Variants in DOT1L observed in about 807,000 individuals in gnomAD.
DOT1L encodes histone-lysine N-methyltransferase, H3 lysine-79 specific.
Under a neutral mutation model 153.3 loss-of-function variants are expected in DOT1L, and 33 were observed. The observed-to-expected ratio is 0.22, with a 90% confidence interval of 0.16 to 0.29. The LOEUF (loss-of-function observed/expected upper bound fraction) is 0.29, where lower values mean the gene tolerates loss of function less well. Ranked by LOEUF, DOT1L falls within the 10% of genes least tolerant of loss-of-function variation. DOT1L has a pLI of 1.00. For missense variants in DOT1L, 1,847 were observed against 2,119.9 expected, an observed-to-expected ratio of 0.87 and a Z score of 2.53; for synonymous variants, 1,135 against 965.1, an observed-to-expected ratio of 1.18 and a Z score of -3.26.
intron 12 of DOT1L, 42 bp from the exon 13 acceptor site, chr19:2,210,358 C>T: frequency 1.4e-6 from 2 of 1,452,230 alleles, no homozygotes; most frequent in Non-Finnish European, 1.8e-6. Context: ...GGGCCGTGGG[C>T]AGCGCTGGGG....
At chr19:2,184,720 C>T (rs140840453) in intron 2 of DOT1L, among the ~76,000 whole-genome samples, 46 of 152,296 alleles carry the variant, frequency 3.0e-4, no homozygotes, top group East Asian at 5.8e-4. Flanking sequence ...CACCGAATGC[C>T]GTCCTGTGGG....
chr19:2,166,130 C>G (rs2019911658), intron 1 of DOT1L, among the ~76,000 whole-genome samples: 1 of 148,644 alleles, frequency 6.7e-6, no homozygotes, highest in African/African-American at 2.5e-5. Flanking sequence ...GAGTTTCGCT[C>G]TTGTTGCCCA....
chr19:2,193,595 C>A lies in DOT1L; in HGVS notation c.494-94C>A. The A allele has an allele frequency of 8.2e-7, 1 of 1,225,158 alleles. No individual in the cohort carries two copies. Among genetic ancestry groups the A allele is most frequent in the Non-Finnish European group, 1.2e-6 (1 of 850,912 alleles). The allele number at this position is 1,225,158 out of a possible 1,614,324, so 75.9% of individuals were successfully genotyped here. On this transcript the variant is annotated intron_variant, in intron 5 of 27. Coordinates refer to ENST00000398665, the MANE Select transcript of DOT1L (RefSeq NM_032482.3). The surrounding 1 kb of genome is among the most constrained non-coding windows in gnomAD (Gnocchi z 5.9). ...TGGCCTCCCCTGTGGGTCTTCATGG[C>A]CGCATTCTTGTGGCCTCTGTCTCCG...
Position 2,217,955 on chromosome 19 carries a change from G to A in DOT1L, c.2691+37G>A, listed in dbSNP as rs567102549. 149 of 1,602,306 alleles carry A rather than the reference G, an allele frequency of 9.3e-5. No individual in the cohort carries two copies. Among genetic ancestry groups the A allele is most frequent in the Non-Finnish European group, 1.1e-4 (133 of 1,176,914 alleles). On this transcript the variant is annotated intron_variant, in intron 22 of 27. Coordinates refer to ENST00000398665, the MANE Select transcript of DOT1L (RefSeq NM_032482.3). The surrounding 1 kb of genome is among the most constrained non-coding windows in gnomAD (Gnocchi z 7.3). ...CCAGGTGGCTGTCCCCAAGGGCCAC[G>A]TTGAGGCAAAACAGTCTGGGGTGCT...
chr19:2,193,596 C>T lies in DOT1L; in HGVS notation c.494-93C>T, dbSNP rs568248287. 27 of 1,236,030 alleles carry T rather than the reference C, an allele frequency of 2.2e-5. No homozygotes were observed. Among genetic ancestry groups the T allele is most frequent in the East Asian group, 1.4e-4 (6 of 42,292 alleles). The allele number at this position is 1,236,030 out of a possible 1,614,324, so 76.6% of individuals were successfully genotyped here. ...GGCCTCCCCTGTGGGTCTTCATGGC[C>T]GCATTCTTGTGGCCTCTGTCTCCGA... On this transcript the variant is annotated intron_variant, in intron 5 of 27. Transcript: ENST00000398665. The surrounding 1 kb of genome is among the most constrained non-coding windows in gnomAD (Gnocchi z 5.9).
intron 6 of DOT1L, among the ~76,000 whole-genome samples, chr19:2,194,077 G>T (rs2022912006): frequency 6.6e-6 from 1 of 152,196 alleles, no homozygotes; most frequent in African/African-American, 2.4e-5. Flanking sequence ...TCTACCTCGT[G>T]GCACAGCCCT....
chr19:2,180,039 C>T (rs1456998269), intron 1 of DOT1L, among the ~76,000 whole-genome samples: 2 of 152,052 alleles, frequency 1.3e-5, no homozygotes, highest in African/African-American at 2.4e-5. Flanking sequence ...TTGACATTGG[C>T]CTTGTAGAGG....
intron 1 of DOT1L, among the ~76,000 whole-genome samples, chr19:2,173,924 T>C (rs898376187): frequency 1.3e-5 from 2 of 152,210 alleles, no homozygotes; most frequent in Non-Finnish European, 2.9e-5. Context: ...TTTGACTGTT[T>C]CCAGGGAACT....
rs2024526012 is a variant in DOT1L, at chr19:2,229,918, C to T, written c.*126C>T. ...GCAGAGGCAAGGACGGACGGGAGCT[C>T]CACTGTGAATCGGCGGCACGCGCCG... is the stretch of plus-strand genomic sequence containing the variant. On this transcript the variant is annotated 3_prime_UTR_variant, in exon 28 of 28. Transcript: ENST00000398665. 6.4e-7 allele frequency: 1 copy of T among 1,563,908 alleles called. No homozygotes were observed. The highest frequency in any genetic ancestry group is 8.7e-7 in the Non-Finnish European group (1 of 1,143,082).
At chr19:2,194,323 A>G (rs1393519540) in intron 6 of DOT1L, among the ~76,000 whole-genome samples, 192 bp from the exon 7 acceptor site, 1 of 151,776 alleles carries the variant, frequency 6.6e-6, no homozygotes, top group Non-Finnish European at 1.5e-5. Flanking sequence ...GGCGCCCCCC[A>G]ACACACCCAG....
In DOT1L at chr19:2,210,764, G is replaced by A. The variant is rs574510793; in HGVS notation, c.1260G>A (p.Ala420=). The change falls in exon 14 of 28, where the codon GCG becomes GCA. Residue 420 remains alanine, a synonymous_variant. Transcript: ENST00000398665. Reference sequence around the variant, plus strand: ...GGCGCCCCAAGAAGATGAACACTGCGAACCCCGAGCGGAAGCCCAAGAAGA... The same window carrying A: ...GGCGCCCCAAGAAGATGAACACTGCAAACCCCGAGCGGAAGCCCAAGAAGA... ...KRGRPKKMNT[A]NPERKPKKNQ... 17 of 1,613,100 alleles carry A rather than the reference G, an allele frequency of 1.1e-5. No individual in the cohort carries two copies. The East Asian group carries it at 2.5e-4, about 23-fold the overall frequency.
In DOT1L at chr19:2,232,256, GCA is replaced by G. The variant is rs1307368002; in HGVS notation, c.*2467_*2468del. 1.4e-5 allele frequency: 3 copies of G among 217,610 alleles called. No homozygotes were observed. Among genetic ancestry groups the G allele is most frequent in the Admixed American group, 5.8e-5 (1 of 17,228 alleles). The allele number at this position is 217,610 out of a possible 1,614,324, so 13.5% of individuals were successfully genotyped here. A position where few individuals can be genotyped will look rare whatever the true frequency, so the allele number is the denominator to read the frequency against. ...ACCCCCTCCTCGGCCCATGAGGCAC[GCA>G]CAGTGACTTATTTAAGACTTCCCCC... On this transcript the variant is annotated 3_prime_UTR_variant, in exon 28 of 28. Transcript: ENST00000398665.
chr19:2,214,617 C>A, intron 19 of DOT1L, 21 bp downstream of exon 19: 1 of 1,607,668 alleles, frequency 6.2e-7, no homozygotes, highest in Non-Finnish European at 8.5e-7. Flanking sequence ...CGCGAGGCTG[C>A]ACTCCGTGGT....
chr19:2,217,683 C>T lies in DOT1L; in HGVS notation c.2545-89C>T, dbSNP rs1027502572. ...CAGCGTGGGGGCCGCCTTGAGAGAG[C>T]TGTAGCAGGCCCCCGTCCTGTGGCT... On this transcript the variant is annotated intron_variant, in intron 21 of 27. Coordinates refer to ENST00000398665, the MANE Select transcript of DOT1L (RefSeq NM_032482.3). This position sits in a 1 kb window ranked among gnomAD's most constrained non-coding sequence, Gnocchi z 7.3. 10 of 1,509,444 alleles carry T rather than the reference C, an allele frequency of 6.6e-6. No homozygotes were observed. The highest frequency in any genetic ancestry group is 2.0e-5 in the Admixed American group (1 of 49,306). 93.5% of individuals were successfully genotyped at this position (1,509,444 alleles called of 1,614,324 possible). A position where few individuals can be genotyped will look rare whatever the true frequency, so the allele number is the denominator to read the frequency against.
Position 2,181,258 on chromosome 19 carries a change from C to T in DOT1L, c.125+502C>T, listed in dbSNP as rs555703707. 9.8e-5 allele frequency among the ~76,000 whole-genome samples: 15 copies of T among 152,314 alleles called. No homozygotes were observed. The East Asian group carries it at 2.1e-3, about 22-fold the overall frequency. ...CCACTGGGAAGCTGCCCATGGTGGC[C>T]GGCATTCTGCGTGTCTCAGGTGCTC... On this transcript the variant is annotated intron_variant, in intron 2 of 27. Transcript: ENST00000398665.
chr19:2,199,789 G>A (rs2023169240), intron 7 of DOT1L, 95 bp from the exon 8 acceptor site: 1 of 1,511,772 alleles, frequency 6.6e-7, no homozygotes, highest in Non-Finnish European at 9.0e-7. Flanking sequence ...TGCAAGCGGA[G>A]CTGTGTTCAT....
chr19:2,229,926 A>T lies in DOT1L; in HGVS notation c.*134A>T, dbSNP rs2024526247. 6.6e-7 allele frequency: 1 copy of T among 1,515,004 alleles called. No homozygotes were observed. The highest frequency in any genetic ancestry group is 9.1e-7 in the Non-Finnish European group (1 of 1,101,954). The allele number at this position is 1,515,004 out of a possible 1,614,324, so 93.8% of individuals were successfully genotyped here. ...AAGGACGGACGGGAGCTCCACTGTG[A>T]ATCGGCGGCACGCGCCGCAGGAGGC... On this transcript the variant is annotated 3_prime_UTR_variant, in exon 28 of 28. Transcript: ENST00000398665.
chr19:2,216,058 G>A, intron 19 of DOT1L: 2 of 538,190 alleles, frequency 3.7e-6, no homozygotes, highest in Non-Finnish European at 6.5e-6. Flanking sequence ...TTTGAAGAAG[G>A]TGCTTCCATG....
intron 18 of DOT1L, 28 bp downstream of exon 18, chr19:2,214,014 C>T (rs561007197): frequency 6.2e-5 from 99 of 1,606,400 alleles, no homozygotes; most frequent in South Asian, 2.1e-4. Flanking sequence ...AGGACAGGGA[C>T]GTGGAACCAG....
Sources: gnomAD v4.1 joint callset for allele counts (sites outside exome capture counted in the v4.1 genomes callset) on GRCh38, gnomAD v4.1.1 for gene constraint, Gnocchi (gnomAD v3.1) non-coding constraint, MANE v1.5 for transcripts, NCBI Gene and HGNC (gene_info 2026-07-23, HGNC 2026-07-21) for gene names.